PATJ: variants seen among roughly 807,000 people sequenced by gnomAD.
PATJ encodes PATJ crumbs cell polarity complex component.
In PATJ, 190 loss-of-function variants were observed where a neutral mutation model predicts 224.9. The ratio of observed to expected loss-of-function variants is 0.84; its 90% confidence interval spans 0.75 to 0.95. The LOEUF is 0.95. PATJ is among the 40% of genes least tolerant of loss of function. PATJ has a pLI of 0.00. For missense variants in PATJ, 2,121 were observed against 2,270.3 expected (o/e 0.93, Z 1.34); for synonymous variants, 769 against 820.3 (o/e 0.94, Z 1.07).
At chr1:62,136,155 G>A (rs2481670) in intron 41 of PATJ, among the ~76,000 whole-genome samples, 61,945 of 149,890 alleles carry the variant, frequency 0.41, 14,510 homozygotes, top group Non-Finnish European at 0.54. Context: ...AGCCTCCTGA[G>A]TAGCTGAGCT....
At chr1:61,799,569 A>G (rs1186076861) in intron 11 of PATJ, among the ~76,000 whole-genome samples, 1 of 152,182 alleles carries the variant, frequency 6.6e-6, no homozygotes, top group African/African-American at 2.4e-5. Flanking sequence ...ATTTATTTTT[A>G]TAGATTCAGG....
chr1:61,914,515 CAA>C, intron 25 of PATJ, 70 bp from the exon 26 acceptor site: 1 of 714,964 alleles, frequency 1.4e-6, no homozygotes, highest in Non-Finnish European at 2.4e-6. Context: ...TGTGGAATGT[CAA>C]GAGAAAAAAA....
At chr1:61,907,955 C>A (rs546489586) in intron 24 of PATJ, among the ~76,000 whole-genome samples, 2 of 152,180 alleles carry the variant, frequency 1.3e-5, no homozygotes, top group South Asian at 4.2e-4. Context: ...TGATAACAAG[C>A]AATTTACTTA....
At chr1:62,027,194 G>A (rs543665791) in intron 29 of PATJ, among the ~76,000 whole-genome samples, 3 of 152,308 alleles carry the variant, frequency 2.0e-5, no homozygotes, top group South Asian at 4.1e-4. Flanking sequence ...ACTGCCGTAG[G>A]TACCTCACAT....
At chr1:61,978,485 G>C (rs1413041417) in intron 27 of PATJ, among the ~76,000 whole-genome samples, 1 of 151,882 alleles carries the variant, frequency 6.6e-6, no homozygotes, top group African/African-American at 2.4e-5. Context: ...GGCTGGTCTC[G>C]AACTCCCAAC....
chr1:62,116,037 A>C (rs982897320), intron 35 of PATJ, among the ~76,000 whole-genome samples: 1 of 152,214 alleles, frequency 6.6e-6, no homozygotes, highest in African/African-American at 2.4e-5. Flanking sequence ...ACACATGCGT[A>C]TACCTGGTGC....
At chr1:61,949,797 T>C (rs1679346582) in intron 27 of PATJ, among the ~76,000 whole-genome samples, 2 of 148,142 alleles carry the variant, frequency 1.4e-5, no homozygotes, top group African/African-American at 4.9e-5. Flanking sequence ...TACTGGCTAC[T>C]TGGGAGGCTG....
At chr1:62,017,738 A>AAG in intron 28 of PATJ, 118 bp from the exon 29 acceptor site, 1 of 567,356 alleles carries the variant, frequency 1.8e-6, no homozygotes, top group Non-Finnish European at 3.0e-6. Context: ...TCAAAAAAAA[A>AAG]AAAAAAAAAG....
intron 30 of PATJ, chr1:62,038,928 G>T (rs1412335099): frequency 2.8e-6 from 3 of 1,061,080 alleles, no homozygotes; most frequent in African/African-American, 3.1e-5. Flanking sequence ...CACTTAATCT[G>T]GGTTGCCATG....
intron 29 of PATJ, among the ~76,000 whole-genome samples, chr1:62,031,042 C>T (rs529569871): frequency 2.4e-4 from 37 of 152,256 alleles, no homozygotes; most frequent in African/African-American, 8.7e-4. Context: ...CACAGTTATG[C>T]TTCAGTAACA....
chr1:62,121,337 C>CA (rs1665021689), intron 38 of PATJ, 42 bp downstream of exon 38: 1 of 1,030,230 alleles, frequency 9.7e-7, no homozygotes, highest in Non-Finnish European at 1.4e-6. Context: ...TCCTGTTACC[C>CA]AAATTAAAAA....
chr1:61,796,905 C>T (rs544098526), intron 10 of PATJ, among the ~76,000 whole-genome samples: 12 of 151,064 alleles, frequency 7.9e-5, no homozygotes, highest in Non-Finnish European at 1.6e-4. Flanking sequence ...CTTGCTCTGT[C>T]GCTCAGGCTG....
intron 9 of PATJ, among the ~76,000 whole-genome samples, chr1:61,794,727 C>T (rs904229535): frequency 2.0e-5 from 3 of 151,988 alleles, no homozygotes; most frequent in African/African-American, 7.3e-5. Flanking sequence ...GTGACTCACA[C>T]CTGTAATCTC....
intron 41 of PATJ, among the ~76,000 whole-genome samples, chr1:62,138,720 A>G (rs980629011): frequency 6.6e-6 from 1 of 152,186 alleles, no homozygotes; most frequent in African/African-American, 2.4e-5. Flanking sequence ...GCGGGACATG[A>G]GAGAAAAGTT....
intron 20 of PATJ, among the ~76,000 whole-genome samples, chr1:61,872,782 G>C (rs966709944): frequency 6.6e-6 from 1 of 152,110 alleles, no homozygotes; most frequent in Non-Finnish European, 1.5e-5. Context: ...TTGCTGAAGC[G>C]CCCCACTACA....
intron 27 of PATJ, among the ~76,000 whole-genome samples, chr1:61,977,346 T>TGG (rs1379449467): frequency 6.6e-6 from 1 of 152,000 alleles, no homozygotes; most frequent in African/African-American, 2.4e-5. Context: ...CACCTCAGCC[T>TGG]CCCAAAGTAC....
At chr1:61,892,875 GT>G (rs1191632434) in intron 22 of PATJ, among the ~76,000 whole-genome samples, 1 of 152,140 alleles carries the variant, frequency 6.6e-6, no homozygotes, top group Non-Finnish European at 1.5e-5. Context: ...GGTGTTGTAT[GT>G]TCTGTAGGTT....
intron 27 of PATJ, among the ~76,000 whole-genome samples, chr1:61,945,497 G>A (rs1678548708): frequency 6.6e-6 from 1 of 152,088 alleles, no homozygotes; most frequent in South Asian, 2.1e-4. Context: ...ATTACATAAT[G>A]GGAAAGGGAT....
At chr1:61,927,065 G>A (rs1174655761) in intron 26 of PATJ, among the ~76,000 whole-genome samples, 1 of 152,114 alleles carries the variant, frequency 6.6e-6, no homozygotes, top group African/African-American at 2.4e-5. Flanking sequence ...TGATCATAGA[G>A]TTTAGTTCTA....
Sources: gnomAD v4.1 joint callset for allele counts (sites outside exome capture counted in the v4.1 genomes callset) on GRCh38, gnomAD v4.1.1 for gene constraint, MANE v1.5 for transcripts, NCBI Gene and HGNC (gene_info 2026-07-23, HGNC 2026-07-21) for gene names.